The following ESR1 variants were observed in gnomAD, a reference collection of about 807,000 sequenced individuals.
The protein encoded by ESR1 is estrogen receptor 1.
ESR1 carries 12 observed loss-of-function variants against 52.7 expected under a neutral mutation model. That is an observed-to-expected ratio of 0.23 (90% CI 0.15 to 0.37). The LOEUF (loss-of-function observed/expected upper bound fraction) is 0.37, where lower values mean the gene tolerates loss of function less well. Among genes scored for constraint, ESR1 ranks in the 10% least tolerant of loss-of-function variants. The probability of loss-of-function intolerance (pLI) is 1.00; values close to 1 mark genes in which losing one functional copy is unlikely to be tolerated. For synonymous variants in ESR1, 305 were observed against 316.8 expected (o/e 0.96, Z 0.39); for missense variants, 584 against 779.7 (o/e 0.75, Z 2.99).
At chr6:152,125,246 AG>A in intron 6 of ESR1, 1 of 1,549,288 alleles carries the variant, frequency 6.5e-7, no homozygotes, top group Non-Finnish European at 8.7e-7. Context: ...ATGGTAATTC[AG>A]GTCGTATTCA....
chr6:151,965,277 T>A (rs1020429889), intron 4 of ESR1, among the ~76,000 whole-genome samples: 2 of 152,246 alleles, frequency 1.3e-5, no homozygotes, highest in Admixed American at 6.5e-5. Flanking sequence ...CTATAGTTTT[T>A]AAACATATTT....
At chr6:152,029,641 T>A (rs2044492705) in intron 5 of ESR1, among the ~76,000 whole-genome samples, 1 of 152,088 alleles carries the variant, frequency 6.6e-6, no homozygotes, top group Non-Finnish European at 1.5e-5. Flanking sequence ...TGGGACTATG[T>A]GAAAAGACCA....
chr6:152,019,186 C>A (rs1381154430), intron 5 of ESR1, among the ~76,000 whole-genome samples: 2 of 152,120 alleles, frequency 1.3e-5, no homozygotes, highest in African/African-American at 4.8e-5. Flanking sequence ...ATCAAAATAT[C>A]CATTTGACTA....
upstream of ESR1, among the ~76,000 whole-genome samples, chr6:151,686,215 A>T (rs971299305): frequency 6.6e-6 from 1 of 152,074 alleles, no homozygotes; most frequent in African/African-American, 2.4e-5. Context: ...TTTTAAAAAA[A>T]TTTGAAGAAA....
chr6:151,699,349 AC>A (rs1332288334), intron 1 of ESR1, among the ~76,000 whole-genome samples: 8 of 152,200 alleles, frequency 5.3e-5, no homozygotes, highest in Non-Finnish European at 7.3e-5. Flanking sequence ...GGTATACTAG[AC>A]AAGTTTGTAG....
intron 1 of ESR1, among the ~76,000 whole-genome samples, chr6:151,840,568 C>G (rs910796160): frequency 6.6e-6 from 1 of 152,076 alleles, no homozygotes; most frequent in Non-Finnish European, 1.5e-5. Flanking sequence ...AATTGTGAAC[C>G]ATAATAATGA....
chr6:152,094,303 GT>G lies in ESR1; in HGVS notation c.1370-80del. On this transcript the variant is annotated intron_variant, in intron 6 of 7. Coordinates refer to ENST00000206249, the MANE Select transcript of ESR1 (RefSeq NM_000125.4). The surrounding 1 kb of genome is among the most constrained non-coding windows in gnomAD (Gnocchi z 4.6). ...TGCTGAGGAAGGGCACTGGCTCATT[GT>G]TACATCCCATGAACACTCTGGGTCT... 8.1e-7 allele frequency: 1 copy of G among 1,227,530 alleles called. No homozygotes were observed. The highest frequency in any genetic ancestry group is 1.2e-5 in the South Asian group (1 of 82,782). 76.0% of individuals were successfully genotyped at this position (1,227,530 alleles called of 1,614,324 possible). A position where few individuals can be genotyped will look rare whatever the true frequency, so the allele number is the denominator to read the frequency against.
At chr6:151,806,774 A>G (rs1399211117), upstream of ESR1, among the ~76,000 whole-genome samples, 1 of 152,016 alleles carries the variant, frequency 6.6e-6, no homozygotes, top group South Asian at 2.1e-4. Context: ...ATAATTGCCA[A>G]AGCTTTGGTT....
At chr6:151,785,471 C>T (rs1786932211) in intron 2 of ESR1, among the ~76,000 whole-genome samples, 1 of 152,128 alleles carries the variant, frequency 6.6e-6, no homozygotes, top group African/African-American at 2.4e-5. Context: ...CCTGAGAAAG[C>T]CCATTAATAT....
intron 3 of ESR1, among the ~76,000 whole-genome samples, chr6:151,916,705 C>T (rs1481522811): frequency 6.6e-6 from 1 of 152,130 alleles, no homozygotes; most frequent in East Asian, 1.9e-4. Context: ...AGGAAACAGT[C>T]ATGCTTGCTA....
intron 3 of ESR1, among the ~76,000 whole-genome samples, chr6:151,894,708 T>C (rs910058573): frequency 4.6e-5 from 7 of 152,260 alleles, no homozygotes; most frequent in Admixed American, 2.0e-4. Flanking sequence ...AGTATTTGGG[T>C]TTATTTCTCG....
chr6:151,993,301 T>C (rs1234506768), intron 4 of ESR1, among the ~76,000 whole-genome samples: 1 of 152,300 alleles, frequency 6.6e-6, no homozygotes, highest in East Asian at 1.9e-4. Flanking sequence ...GCTGACATAC[T>C]GTCCAATGAG....
chr6:151,905,059 C>T (rs1285462744), intron 3 of ESR1, among the ~76,000 whole-genome samples: 1 of 152,102 alleles, frequency 6.6e-6, no homozygotes, highest in Admixed American at 6.5e-5. Flanking sequence ...CAACAAACAG[C>T]AGCACAAACT....
chr6:151,899,389 G>T (rs866683111), intron 3 of ESR1, among the ~76,000 whole-genome samples: 3 of 130,712 alleles, frequency 2.3e-5, no homozygotes, highest in Non-Finnish European at 4.8e-5. Flanking sequence ...GCGGCTGGCC[G>T]GGCAGAGGGG....
rs1336338495 is a variant in ESR1, at chr6:151,709,098, T to C, written c.-71+7093T>C. Among the ~76,000 whole-genome samples, 3 of 152,148 alleles carry C rather than the reference T, an allele frequency of 2.0e-5. No homozygotes were observed. The East Asian group carries it at 5.8e-4, about 29-fold the overall frequency. On this transcript the variant is annotated intron_variant, in intron 2 of 2. Transcript: ENST00000404742. ...GATTTAACTGAAGTTTTGCATCCTT[T>C]GACCAATGTCTTTCCAACCCTCACC...
chr6:152,107,367 T>C (rs2051079755), downstream of ESR1, among the ~76,000 whole-genome samples: 1 of 152,200 alleles, frequency 6.6e-6, no homozygotes, highest in Non-Finnish European at 1.5e-5. Flanking sequence ...GTTTTTCTTC[T>C]GCCTTCTTGA....
intron 3 of ESR1, among the ~76,000 whole-genome samples, chr6:151,891,813 C>T (rs555538492): frequency 5.9e-5 from 9 of 152,248 alleles, no homozygotes; most frequent in Admixed American, 1.3e-4. Context: ...TATTACTCCT[C>T]TTCAACAAAA....
At chr6:151,783,694 T>C (rs1269941835) in intron 2 of ESR1, among the ~76,000 whole-genome samples, 1 of 152,232 alleles carries the variant, frequency 6.6e-6, no homozygotes, top group East Asian at 1.9e-4. Context: ...TGCATTAGTA[T>C]GGTATATTAC....
At chr6:151,935,360 A>C (rs12662655) in intron 3 of ESR1, among the ~76,000 whole-genome samples, 4,716 of 152,342 alleles carry the variant, frequency 0.031, 209 homozygotes, top group Admixed American at 0.13. Context: ...GGAAACCAAG[A>C]GGCAGTCAGC....
Sources: gnomAD v4.1 joint callset for allele counts (sites outside exome capture counted in the v4.1 genomes callset) on GRCh38, gnomAD v4.1.1 for gene constraint, Gnocchi (gnomAD v3.1) non-coding constraint, MANE v1.5 for transcripts, NCBI Gene and HGNC (gene_info 2026-07-23, HGNC 2026-07-21) for gene names.